Variants in NBEA observed in about 807,000 individuals in gnomAD.
NBEA encodes neurobeachin, also known as lysosomal-trafficking regulator 2.
NBEA carries 44 observed loss-of-function variants against 343.4 expected under a neutral mutation model. The observed-to-expected ratio is 0.13, with a 90% confidence interval of 0.10 to 0.16. The LOEUF (loss-of-function observed/expected upper bound fraction) is 0.16, where lower values mean the gene tolerates loss of function less well. NBEA is among the 10% of genes least tolerant of loss of function. The pLI, the probability that NBEA is intolerant of heterozygous loss-of-function variation, is 1.00. For synonymous variants in NBEA, 1,175 were observed against 1,238.7 expected (o/e 0.95, Z 1.08); for missense variants, 2,555 against 3,631.3 (o/e 0.70, Z 7.62).
chr13:35,147,848 T>C (rs759437544), intron 18 of NBEA, among the ~76,000 whole-genome samples: 7 of 152,166 alleles, frequency 4.6e-5, no homozygotes, highest in Non-Finnish European at 1.0e-4. Flanking sequence ...GATAAAGAGC[T>C]ATGAAGGCCT....
intron 7 of NBEA, among the ~76,000 whole-genome samples, chr13:35,057,151 C>T (rs1164733039): frequency 6.6e-6 from 1 of 152,110 alleles, no homozygotes; most frequent in Non-Finnish European, 1.5e-5. Flanking sequence ...CAATAATATA[C>T]AACCCTTCAA....
chr13:35,246,072 C>A (rs2031144842), intron 34 of NBEA, among the ~76,000 whole-genome samples: 1 of 152,064 alleles, frequency 6.6e-6, no homozygotes, highest in East Asian at 1.9e-4. Context: ...ATTTTCAATT[C>A]TGTTGCTAAG....
intron 1 of NBEA, among the ~76,000 whole-genome samples, chr13:35,000,462 A>G (rs1232710616): frequency 6.6e-6 from 1 of 152,024 alleles, no homozygotes; most frequent in Non-Finnish European, 1.5e-5. Flanking sequence ...AACTGCTATA[A>G]TAATACCACC....
chr13:35,280,464 TA>T (rs2034976313), intron 34 of NBEA, among the ~76,000 whole-genome samples: 2 of 152,140 alleles, frequency 1.3e-5, no homozygotes. Context: ...TCAAGTTAAA[TA>T]TTTCCTACTG....
rs182229003 is a variant in NBEA, at chr13:35,315,963, G to C, written c.5903+6371G>C. 5.6e-4 allele frequency among the ~76,000 whole-genome samples: 85 copies of C among 151,816 alleles called. 1 individual carries two copies. The highest frequency in any genetic ancestry group is 2.0e-3 in the African/African-American group (83 of 41,450). On this transcript the variant is annotated intron_variant, in intron 36 of 58. Transcript: ENST00000379939. ...AAAAACTTCCAAATCTGTAAAATAA[G>C]AAACTATTTCCTAAAGTAGATATTC... is the stretch of plus-strand genomic sequence containing the variant.
chr13:35,378,461 T>A (rs2152889603), intron 38 of NBEA, among the ~76,000 whole-genome samples: 1 of 152,318 alleles, frequency 6.6e-6, no homozygotes, highest in Non-Finnish European at 1.5e-5. Context: ...AGCCACTGCT[T>A]ATAAAGTTAG....
At chr13:35,356,466 A>G (rs1281618816) in intron 38 of NBEA, among the ~76,000 whole-genome samples, 2 of 152,206 alleles carry the variant, frequency 1.3e-5, no homozygotes, top group African/African-American at 4.8e-5. Context: ...CGTTTCTACT[A>G]CAGAATGATG....
intron 1 of NBEA, among the ~76,000 whole-genome samples, chr13:34,977,350 C>G (rs2060214704): frequency 6.6e-6 from 1 of 151,574 alleles, no homozygotes; most frequent in Non-Finnish European, 1.5e-5. Flanking sequence ...TCTCTGTCGC[C>G]CAGGCTGGAG....
At chr13:35,280,511 A>G (rs569595437) in intron 34 of NBEA, among the ~76,000 whole-genome samples, 6 of 152,240 alleles carry the variant, frequency 3.9e-5, no homozygotes, top group African/African-American at 1.4e-4. Flanking sequence ...AATAATCACA[A>G]TAGGAATTAC....
chr13:35,389,998 T>TGTGTGTGC (rs2042424875), intron 38 of NBEA, among the ~76,000 whole-genome samples: 1 of 151,610 alleles, frequency 6.6e-6, no homozygotes, highest in African/African-American at 2.4e-5. Context: ...TGTGTGTGTG[T>TGTGTGTGC]GTGTGTACTC....
At chr13:35,503,108 C>T (rs573609369) in intron 41 of NBEA, among the ~76,000 whole-genome samples, 2 of 151,822 alleles carry the variant, frequency 1.3e-5, no homozygotes, top group African/African-American at 4.8e-5. Context: ...CACTAATGAC[C>T]TTTATCAATC....
chr13:34,984,003 G>T (rs2060456362), intron 1 of NBEA, among the ~76,000 whole-genome samples: 1 of 152,098 alleles, frequency 6.6e-6, no homozygotes, highest in Admixed American at 6.5e-5. Context: ...CTTTTGCTGT[G>T]CAGAAGCTCT....
At chr13:35,026,083 G>T (rs2062011221) in intron 1 of NBEA, among the ~76,000 whole-genome samples, 1 of 151,908 alleles carries the variant, frequency 6.6e-6, no homozygotes, top group Non-Finnish European at 1.5e-5. Flanking sequence ...TGAATCATGG[G>T]GACAGTTTCC....
intron 41 of NBEA, among the ~76,000 whole-genome samples, chr13:35,514,316 G>A (rs1249712693): frequency 4.6e-5 from 7 of 152,202 alleles, no homozygotes; most frequent in African/African-American, 1.4e-4. Flanking sequence ...AGACCTAGTG[G>A]GGCCTAACAG....
intron 1 of NBEA, among the ~76,000 whole-genome samples, chr13:35,002,458 A>G (rs1163025626): frequency 1.3e-5 from 2 of 152,132 alleles, no homozygotes; most frequent in African/African-American, 2.4e-5. Context: ...AGAGGCTCTT[A>G]CTTTTTTATA....
chr13:35,606,688 A>G (rs183632564), intron 48 of NBEA, 110 bp downstream of exon 48: 18 of 832,142 alleles, frequency 2.2e-5, no homozygotes, highest in East Asian at 3.2e-5. Flanking sequence ...CTTAACATCT[A>G]TAAATACAAG....
At chr13:35,185,455 A>T (rs2071629153) in intron 30 of NBEA, 1 of 152,162 alleles carries the variant, frequency 6.6e-6, no homozygotes. Flanking sequence ...GCATGATGAA[A>T]TGAAGGGAAA....
intron 11 of NBEA, among the ~76,000 whole-genome samples, chr13:35,099,382 TAG>T (rs1205178819): frequency 6.6e-6 from 1 of 151,978 alleles, no homozygotes. Flanking sequence ...GTATTTTTAG[TAG>T]AGACAGGGTT....
chr13:34,955,204 A>G (rs1377637567), intron 1 of NBEA, among the ~76,000 whole-genome samples: 2 of 151,752 alleles, frequency 1.3e-5, no homozygotes, highest in Non-Finnish European at 2.9e-5. Flanking sequence ...TATAACTTTC[A>G]TATGGAAACT....
Sources: allele counts gnomAD v4.1 joint callset (sites outside exome capture counted in the v4.1 genomes callset), GRCh38; gene constraint gnomAD v4.1.1; transcripts MANE v1.5; gene names NCBI Gene and HGNC (gene_info 2026-07-23, HGNC 2026-07-21).